ITFG1: variants seen among roughly 807,000 people sequenced by gnomAD.
The protein encoded by ITFG1 is T-cell immunomodulatory protein.
A neutral mutation model predicts 81.8 loss-of-function variants in ITFG1; 34 were observed. The ratio of observed to expected loss-of-function variants is 0.42; its 90% CI spans 0.32 to 0.55. The LOEUF (loss-of-function observed/expected upper bound fraction) is 0.55. Among genes scored for constraint, ITFG1 ranks in the 20% least tolerant of loss-of-function variants. The pLI, the probability that ITFG1 is intolerant of heterozygous loss-of-function variation, is 0.17. For synonymous variants in ITFG1, 285 were observed against 270.6 expected (o/e 1.05, Z -0.52); for missense variants, 672 against 755.4 (o/e 0.89, Z 1.29).
intron 8 of ITFG1, among the ~76,000 whole-genome samples, chr16:47,362,176 C>T (rs1225655531): frequency 3.3e-5 from 5 of 152,146 alleles, no homozygotes; most frequent in Non-Finnish European, 7.4e-5. Context: ...CCTCCACATA[C>T]TGATGTAGTC....
chr16:47,431,888 C>T (rs961039524), intron 5 of ITFG1, among the ~76,000 whole-genome samples: 9 of 152,096 alleles, frequency 5.9e-5, no homozygotes, highest in Non-Finnish European at 1.2e-4. Context: ...TAAAGTCATT[C>T]CCCTATAATT....
intron 14 of ITFG1, among the ~76,000 whole-genome samples, chr16:47,217,156 AAAAG>A (rs779456311): frequency 2.0e-4 from 31 of 152,190 alleles, no homozygotes; most frequent in African/African-American, 7.2e-5. Flanking sequence ...AAAAAAAAGA[AAAAG>A]AAAGTATTTT....
At position 47,387,403 on chromosome 16, in the gene ITFG1, T is replaced by C. The variant is rs184157955; in HGVS notation, c.656-11463A>G. On this transcript the variant is annotated intron_variant, in intron 6 of 17. Transcript: ENST00000320640. ...TGGAAAAGAATCTGGCTCCATTTTTTAATATTTGTCTGTTGACAGCTTTTA... is the reference window on the plus strand; with the variant it reads ...TGGAAAAGAATCTGGCTCCATTTTTCAATATTTGTCTGTTGACAGCTTTTA... Among the ~76,000 whole-genome samples the C allele has an allele frequency of 4.5e-4, 69 of 152,346 alleles. 1 individual carries two copies. The East Asian group carries it at 0.011, about 25-fold the overall frequency.
chr16:47,165,263 C>T (rs1215086008), intron 14 of ITFG1, among the ~76,000 whole-genome samples: 6 of 152,132 alleles, frequency 3.9e-5, no homozygotes, highest in Non-Finnish European at 7.4e-5. Context: ...CTAAACATCA[C>T]TAATGTTATC....
intron 8 of ITFG1, among the ~76,000 whole-genome samples, chr16:47,359,846 T>C (rs764424734): frequency 2.0e-5 from 3 of 152,228 alleles, no homozygotes; most frequent in East Asian, 1.9e-4. Flanking sequence ...TTTCCTATTA[T>C]AGCCCTTTGT....
intron 10 of ITFG1, among the ~76,000 whole-genome samples, chr16:47,301,915 G>T (rs187359442): frequency 4.0e-4 from 61 of 152,112 alleles, no homozygotes; most frequent in Non-Finnish European, 2.9e-5. Context: ...TACAGCACTG[G>T]ACAAACTCAA....
At chr16:47,232,337 A>G (rs1965824158) in intron 13 of ITFG1, among the ~76,000 whole-genome samples, 1 of 152,220 alleles carries the variant, frequency 6.6e-6, no homozygotes, top group Non-Finnish European at 1.5e-5. Flanking sequence ...AGTTGAAGAG[A>G]TTTGCATTTT....
chr16:47,335,116 G>C (rs1967685420), intron 8 of ITFG1, among the ~76,000 whole-genome samples: 1 of 152,172 alleles, frequency 6.6e-6, no homozygotes, highest in Admixed American at 6.5e-5. Flanking sequence ...TAGCACTTTG[G>C]GAGGCCGAGG....
At chr16:47,221,364 C>T (rs1965689248) in intron 13 of ITFG1, among the ~76,000 whole-genome samples, 1 of 152,078 alleles carries the variant, frequency 6.6e-6, no homozygotes, top group Non-Finnish European at 1.5e-5. Flanking sequence ...GTCTTTGGTT[C>T]TGTTTATATG....
chr16:47,160,790 T>C (rs1466955583), intron 16 of ITFG1, among the ~76,000 whole-genome samples: 1 of 152,206 alleles, frequency 6.6e-6, no homozygotes, highest in Non-Finnish European at 1.5e-5. Flanking sequence ...TTGCCAATTT[T>C]CATGGAGTAG....
At chr16:47,417,935 T>C (rs544568732) in intron 6 of ITFG1, among the ~76,000 whole-genome samples, 277 of 152,240 alleles carry the variant, frequency 1.8e-3, no homozygotes, top group Middle Eastern at 0.017. Context: ...CCATTTTTAG[T>C]TTTTGTGTGA....
intron 7 of ITFG1, among the ~76,000 whole-genome samples, chr16:47,368,910 G>A (rs905258172): frequency 1.3e-5 from 2 of 152,126 alleles, no homozygotes; most frequent in Non-Finnish European, 2.9e-5. Flanking sequence ...AATACGTTCT[G>A]GCCATAGTGA....
At chr16:47,383,098 T>C (rs1968415776) in intron 6 of ITFG1, among the ~76,000 whole-genome samples, 1 of 152,310 alleles carries the variant, frequency 6.6e-6, no homozygotes, top group Non-Finnish European at 1.5e-5. Flanking sequence ...ATTTTCAATA[T>C]TGGAATGTTT....
intron 12 of ITFG1, among the ~76,000 whole-genome samples, chr16:47,242,039 T>C (rs1030995377): frequency 6.6e-6 from 1 of 151,860 alleles, no homozygotes; most frequent in Non-Finnish European, 1.5e-5. Context: ...TCTCAAATGA[T>C]TGCAGTGATG....
chr16:47,266,965 A>T (rs1363004996), intron 10 of ITFG1, among the ~76,000 whole-genome samples: 1 of 152,172 alleles, frequency 6.6e-6, no homozygotes, highest in Non-Finnish European at 1.5e-5. Context: ...TTCCACTTAT[A>T]TGGAATGTTC....
At position 47,251,712 on chromosome 16, in the gene ITFG1, G is replaced by GT. The variant is rs558136499; in HGVS notation, c.1330+6919dup. 3.4e-3 allele frequency among the ~76,000 whole-genome samples: 513 copies of GT among 152,254 alleles called. 3 individuals are homozygous for GT. The highest frequency in any genetic ancestry group is 0.012 in the African/African-American group (489 of 41,550). ...CAGAGCACTGAATCCTAAATATGCTGTTTTTTCCTATATGTACATACCTAT... is the reference window on the plus strand; with the variant it reads ...CAGAGCACTGAATCCTAAATATGCTGTTTTTTTCCTATATGTACATACCTAT... On this transcript the variant is annotated intron_variant, in intron 12 of 17. Transcript: ENST00000320640.
chr16:47,392,911 T>G (rs1288642136), intron 6 of ITFG1, among the ~76,000 whole-genome samples: 1 of 152,202 alleles, frequency 6.6e-6, no homozygotes, highest in Non-Finnish European at 1.5e-5. Context: ...CACAGGTTTT[T>G]GATCAGAAAA....
At chr16:47,215,870 T>A (rs1393830862) in intron 14 of ITFG1, among the ~76,000 whole-genome samples, 1 of 152,214 alleles carries the variant, frequency 6.6e-6, no homozygotes, top group Non-Finnish European at 1.5e-5. Flanking sequence ...TGTTCTGCCA[T>A]GAAAATTTAT....
At chr16:47,350,269 C>A (rs933424290) in intron 8 of ITFG1, among the ~76,000 whole-genome samples, 2 of 152,080 alleles carry the variant, frequency 1.3e-5, no homozygotes, top group Non-Finnish European at 2.9e-5. Context: ...ATCAATGAAT[C>A]CAGGAGCTAG....
Sources: allele counts gnomAD v4.1 joint callset (sites outside exome capture counted in the v4.1 genomes callset), GRCh38; gene constraint gnomAD v4.1.1; transcripts MANE v1.5; gene names NCBI Gene and HGNC (gene_info 2026-07-23, HGNC 2026-07-21).